The following GAREM2 variants were observed in gnomAD, a reference collection of about 807,000 sequenced individuals.
The protein encoded by GAREM2 is GRB2 associated regulator of MAPK1 subtype 2.
GAREM2 carries 30 observed loss-of-function variants against 55.6 expected under a neutral mutation model. The observed-to-expected ratio is 0.54, with a 90% CI of 0.40 to 0.73. The LOEUF is 0.73. Among genes scored for constraint, GAREM2 ranks in the 30% least tolerant of loss-of-function variants. GAREM2 has a pLI of 0.00. For synonymous variants in GAREM2, 550 were observed against 569.1 expected, an observed-to-expected ratio of 0.97 and a Z score of 0.48; for missense variants, 1,075 against 1,257.7, an observed-to-expected ratio of 0.85 and a Z score of 2.20.
chr2:26,182,064 A>C, intron 2 of GAREM2: 3 of 1,039,194 alleles, frequency 2.9e-6, no homozygotes, highest in Non-Finnish European at 3.5e-6. Context: ...TACTGTATAA[A>C]GCTTGAGAAG....
intron 5 of GAREM2, among the ~76,000 whole-genome samples, chr2:26,186,704 G>C (rs904148547): frequency 1.3e-5 from 2 of 152,224 alleles, no homozygotes; most frequent in Admixed American, 1.3e-4. Context: ...GGCCAGGTGC[G>C]GTGGCTGATG....
intron 1 of GAREM2, among the ~76,000 whole-genome samples, chr2:26,174,650 G>T (rs577447585): frequency 5.2e-5 from 8 of 152,382 alleles, no homozygotes; most frequent in South Asian, 4.1e-4. Flanking sequence ...TGAACAACTG[G>T]TGTGATGGCC....
intron 2 of GAREM2, among the ~76,000 whole-genome samples, chr2:26,182,716 T>C (rs1169920506): frequency 6.6e-6 from 1 of 152,160 alleles, no homozygotes; most frequent in Non-Finnish European, 1.5e-5. Context: ...CCTCACTGCA[T>C]ACCCACAGGC....
chr2:26,193,093 C>T (rs1298443691), downstream of GAREM2, among the ~76,000 whole-genome samples: 1 of 152,064 alleles, frequency 6.6e-6, no homozygotes, highest in Non-Finnish European at 1.5e-5. Flanking sequence ...TATACATTCT[C>T]CTCACAGGTG....
intron 1 of GAREM2, among the ~76,000 whole-genome samples, chr2:26,173,951 G>GCC (rs958364827): frequency 6.6e-6 from 1 of 152,066 alleles, no homozygotes; most frequent in African/African-American, 2.4e-5. Context: ...AGGACCTGGG[G>GCC]CCCCCAGCCG....
the GAREM2 span, chr2:26,203,953 G>A: frequency 3.7e-5 from 40 of 1,076,372 alleles, no homozygotes; most frequent in South Asian, 2.1e-4. Flanking sequence ...AAAGGAATCC[G>A]TGATGGCAAG....
At chr2:26,173,946 C>T (rs1393623829) in intron 1 of GAREM2, among the ~76,000 whole-genome samples, 1 of 152,108 alleles carries the variant, frequency 6.6e-6, no homozygotes, top group African/African-American at 2.4e-5. Flanking sequence ...TTAATAGGAC[C>T]TGGGGCCCCC....
chr2:26,204,098 G>T, the GAREM2 span: 5 of 1,613,936 alleles, frequency 3.1e-6, no homozygotes, highest in Non-Finnish European at 4.2e-6. Flanking sequence ...GTCTAGCGCA[G>T]TGAGGGTGGC....
At chr2:26,195,889 G>C in the GAREM2 span, among the ~76,000 whole-genome samples, 13 of 152,212 alleles carry the variant, frequency 8.5e-5, no homozygotes, top group Admixed American at 7.9e-4. Flanking sequence ...CCCTCCTGGT[G>C]ATTCTGATGC....
At chr2:26,180,868 T>G in intron 2 of GAREM2, 6 of 977,214 alleles carry the variant, frequency 6.1e-6, no homozygotes, top group Non-Finnish European at 7.3e-6. Context: ...TCTGCCCACT[T>G]TGGCCTCCCA....
At chr2:26,194,319 G>C (rs1368927224), downstream of GAREM2, among the ~76,000 whole-genome samples, 1 of 152,126 alleles carries the variant, frequency 6.6e-6, no homozygotes, top group Non-Finnish European at 1.5e-5. Context: ...AAGACATGCT[G>C]GGGGGTGGGG....
At chr2:26,182,128 G>T in intron 2 of GAREM2, 7 of 1,183,300 alleles carry the variant, frequency 5.9e-6, no homozygotes, top group Non-Finnish European at 7.4e-6. Flanking sequence ...GCTCATGTGG[G>T]TATGCATATA....
the GAREM2 span, among the ~76,000 whole-genome samples, chr2:26,199,049 C>T: frequency 3.9e-5 from 6 of 152,048 alleles, no homozygotes; most frequent in African/African-American, 1.5e-4. Flanking sequence ...CACCTGCCAC[C>T]ATGCCTGGCT....
chr2:26,184,997 C>T lies in GAREM2; in HGVS notation c.1149C>T (p.Pro383=), dbSNP rs1016118547. The T allele has an allele frequency of 3.6e-5, 40 of 1,112,008 alleles. No homozygotes were observed. Among genetic ancestry groups the T allele is most frequent in the Non-Finnish European group, 3.9e-5 (36 of 912,742 alleles). The allele number at this position is 1,112,008 out of a possible 1,614,324, so 68.9% of individuals were successfully genotyped here. ...ASPRRARLCL[P]APRAPGLARA... is the part of the protein sequence containing the mutation. ...CGCGCCGCGCGCGCCTCTGCCTGCC[C>T]GCGCCGCGCGCCCCCGGGCTCGCCC... Residue 383 remains proline (P), a synonymous_variant, in exon 4 of 6, where the codon CCC becomes CCT. Coordinates refer to ENST00000401533, the MANE Select transcript of GAREM2 (RefSeq NM_001168241.2).
intron 1 of GAREM2, among the ~76,000 whole-genome samples, chr2:26,174,584 G>A (rs1013000129): frequency 1.3e-5 from 2 of 152,224 alleles, no homozygotes; most frequent in African/African-American, 4.8e-5. Context: ...TGGGCTCCTT[G>A]AGACCAGGCA....
chr2:26,178,415 C>A (rs959702560), intron 2 of GAREM2, among the ~76,000 whole-genome samples: 1 of 151,966 alleles, frequency 6.6e-6, no homozygotes, highest in African/African-American at 2.4e-5. Context: ...AAACAACCCC[C>A]CCCCCCAACA....
intron 3 of GAREM2, 44 bp from the exon 4 acceptor site, chr2:26,184,189 C>T: frequency 6.5e-7 from 1 of 1,541,718 alleles, no homozygotes; most frequent in East Asian, 2.5e-5. Flanking sequence ...TGTGGCTTTC[C>T]CTGGGACCTG....
At chr2:26,191,394 C>G (rs1271662796), downstream of GAREM2, 2 of 1,614,154 alleles carry the variant, frequency 1.2e-6, no homozygotes, top group East Asian at 2.2e-5. Flanking sequence ...AGCGGAAAGG[C>G]CCTGAATAGA....
Position 26,188,290 on chromosome 2 carries a change from T to G in GAREM2, c.*33T>G. On this transcript the variant is annotated 3_prime_UTR_variant, in exon 6 of 6. Coordinates refer to ENST00000401533, the MANE Select transcript of GAREM2 (RefSeq NM_001168241.2). ...AGCTGGAGCTGCACAGCTGGAATGC[T>G]GGTATGGGGGCCCCAGGTACAGCAC... The G allele has an allele frequency of 1.4e-6, 2 of 1,416,264 alleles. No individual in the cohort carries two copies. The highest frequency in any genetic ancestry group is 1.9e-6 in the Non-Finnish European group (2 of 1,076,370). The allele number at this position is 1,416,264 out of a possible 1,614,324, so 87.7% of individuals were successfully genotyped here.
Sources: allele counts gnomAD v4.1 joint callset (sites outside exome capture counted in the v4.1 genomes callset), GRCh38; gene constraint gnomAD v4.1.1; transcripts MANE v1.5; gene names NCBI Gene and HGNC (gene_info 2026-07-23, HGNC 2026-07-21).